The following DMD variants were observed in gnomAD, a reference collection of about 807,000 sequenced individuals.
DMD encodes the protein dystrophin.
DMD carries 63 observed loss-of-function variants against 330.1 expected under a neutral mutation model. That is an observed-to-expected ratio of 0.19 (90% CI 0.16 to 0.24). DMD has a LOEUF of 0.24. DMD is among the 10% of genes least tolerant of loss of function. The probability of loss-of-function intolerance (pLI) is 1.00; values close to 1 mark genes in which losing one functional copy is unlikely to be tolerated. For synonymous variants in DMD, 1,223 were observed against 959.8 expected, an observed-to-expected ratio of 1.27 and a Z score of -5.07; for missense variants, 3,344 against 2,684.1, an observed-to-expected ratio of 1.25 and a Z score of -5.43.
intron 7 of DMD, among the ~76,000 whole-genome samples, chrX:32,789,158 G>A (rs1366333397): frequency 8.9e-6 from 1 of 111,945 alleles, no homozygotes; most frequent in Non-Finnish European, 1.9e-5. Context: ...AGGAGATAAG[G>A]CAAGTTTCTT....
At chrX:32,876,819 G>A in intron 2 of DMD, among the ~76,000 whole-genome samples, 1 of 112,055 alleles carries the variant, frequency 8.9e-6, no homozygotes, top group Non-Finnish European at 1.9e-5. Context: ...TGTACCATAG[G>A]TGACACTAAT....
intron 2 of DMD, among the ~76,000 whole-genome samples, chrX:32,890,444 G>C (rs958053181): frequency 8.3e-5 from 9 of 108,526 alleles, no homozygotes; most frequent in African/African-American, 3.0e-4. Flanking sequence ...TGTGGGGGGT[G>C]GGGGAGGGGG....
rs73212321 is a variant in DMD, at chrX:31,335,798, T to C, written c.9164-12140A>G. ...GTCAATTTCATTGCCCCCTCACAGA[T>C]TGGCTTCCTCCAGGAAGCCAACTCT... On this transcript the variant is annotated intron_variant, in intron 61 of 78. Coordinates refer to ENST00000357033, the MANE Select transcript of DMD (RefSeq NM_004006.3). Among the ~76,000 whole-genome samples the C allele has an allele frequency of 8.7e-3, 980 of 112,208 alleles. 3 individuals are homozygous for C. Among genetic ancestry groups the C allele is most frequent in the South Asian group, 0.017 (44 of 2,651 alleles).
At chrX:32,592,115 G>A (rs1425571042) in intron 13 of DMD, among the ~76,000 whole-genome samples, 1 of 111,377 alleles carries the variant, frequency 9.0e-6, no homozygotes, top group African/African-American at 3.3e-5. Flanking sequence ...TACATGGATG[G>A]CATGTTGATG....
chrX:33,304,598 G>A (rs1379064449), intron 1 of DMD, among the ~76,000 whole-genome samples: 1 of 109,407 alleles, frequency 9.1e-6, no homozygotes, highest in Admixed American at 9.8e-5. Flanking sequence ...CTTCTGCACA[G>A]CAAAAGAAAC....
intron 55 of DMD, among the ~76,000 whole-genome samples, chrX:31,602,311 C>T (rs1173441458): frequency 9.5e-5 from 10 of 105,486 alleles, no homozygotes; most frequent in Non-Finnish European, 1.9e-4. Context: ...TTCACTGGCT[C>T]CTTTCTCCAG....
intron 7 of DMD, among the ~76,000 whole-genome samples, chrX:32,772,849 T>C (rs763242885): frequency 9.6e-4 from 100 of 103,660 alleles, no homozygotes; most frequent in Admixed American, 1.9e-3. Flanking sequence ...TAAAATCGTT[T>C]GGGGAAAATA....
intron 9 of DMD, among the ~76,000 whole-genome samples, chrX:32,690,489 A>G (rs2063197842): frequency 8.9e-6 from 1 of 111,854 alleles, no homozygotes; most frequent in African/African-American, 3.2e-5. Context: ...GAAACAGAGA[A>G]AAACTCTGAA....
At chrX:32,677,473 T>C (rs1406718905) in intron 9 of DMD, among the ~76,000 whole-genome samples, 2 of 111,489 alleles carry the variant, frequency 1.8e-5, no homozygotes, top group African/African-American at 6.5e-5. Flanking sequence ...ACTTCTAATG[T>C]GAACACTATT....
intron 1 of DMD, among the ~76,000 whole-genome samples, chrX:33,252,761 TAC>T (rs1378671695): frequency 3.6e-5 from 4 of 111,768 alleles, no homozygotes; most frequent in Non-Finnish European, 5.6e-5. Context: ...AATATATACA[TAC>T]ACACACATTT....
chrX:32,438,326 G>T lies in DMD; in HGVS notation c.3986C>A (p.Thr1329Asn), dbSNP rs770827878. The change falls in exon 29 of 79, where the codon ACC becomes AAC. Residue 1329 changes from threonine (T) to asparagine (N), a missense_variant. Transcript: ENST00000357033. The part of the protein sequence containing the change: ...NPNQIRILAQ[T>N]LTDGGVMDEL... ...ATCCATGACTCCGCCATCTGTTAGG[G>T]TCTGTGCCAATATGCGAATCTGATT... The T allele has an allele frequency of 8.3e-7, 1 of 1,211,048 alleles. No individual in the cohort carries two copies. Among genetic ancestry groups the T allele is most frequent in the Non-Finnish European group, 1.1e-6 (1 of 895,077 alleles).
intron 53 of DMD, among the ~76,000 whole-genome samples, chrX:31,662,278 T>C (rs1029019323): frequency 4.5e-5 from 5 of 111,780 alleles, no homozygotes; most frequent in African/African-American, 1.6e-4. Context: ...ATTAAATAAA[T>C]ATTAATCATC....
chrX:32,203,596 GCTTCT>G (rs777282079), intron 44 of DMD, among the ~76,000 whole-genome samples: 1 of 112,140 alleles, frequency 8.9e-6, no homozygotes, highest in East Asian at 2.8e-4. Context: ...TCTTCAAAGG[GCTTCT>G]GCCCTGTGGA....
At chrX:31,311,134 C>G (rs755472000) in intron 62 of DMD, among the ~76,000 whole-genome samples, 6 of 110,975 alleles carry the variant, frequency 5.4e-5, no homozygotes, top group Non-Finnish European at 7.5e-5. Context: ...CAGTATTCCC[C>G]CAGCTCAAGG....
At chrX:32,328,168 T>C (rs775185262) in intron 41 of DMD, among the ~76,000 whole-genome samples, 1 of 111,697 alleles carries the variant, frequency 9.0e-6, no homozygotes, top group South Asian at 3.7e-4. Context: ...TCTTGATGCA[T>C]TGTTTACAAT....
chrX:31,944,765 C>A (rs1430506084), intron 45 of DMD, among the ~76,000 whole-genome samples: 1 of 108,354 alleles, frequency 9.2e-6, no homozygotes, highest in Non-Finnish European at 1.9e-5. Context: ...GCCTCGGCCT[C>A]CCAGAGTGCT....
intron 17 of DMD, among the ~76,000 whole-genome samples, chrX:32,526,038 G>A (rs1029649036): frequency 9.0e-6 from 1 of 111,109 alleles, no homozygotes; most frequent in Non-Finnish European, 1.9e-5. Flanking sequence ...TGCTCATAAT[G>A]TGTCCCTACA....
At chrX:31,489,150 T>C (rs999739197) in intron 57 of DMD, among the ~76,000 whole-genome samples, 2 of 112,053 alleles carry the variant, frequency 1.8e-5, no homozygotes, top group African/African-American at 3.2e-5. Context: ...TTTGTTTGTT[T>C]GTTTTTTTGA....
intron 51 of DMD, among the ~76,000 whole-genome samples, chrX:31,758,556 A>T (rs756586002): frequency 2.3e-3 from 256 of 111,289 alleles, no homozygotes; most frequent in Non-Finnish European, 4.2e-3. Context: ...CTCTTTTTAA[A>T]TTTGTACCAT....
Sources: gnomAD v4.1 joint callset for allele counts (sites outside exome capture counted in the v4.1 genomes callset) on GRCh38, gnomAD v4.1.1 for gene constraint, MANE v1.5 for transcripts, NCBI Gene and HGNC (gene_info 2026-07-23, HGNC 2026-07-21) for gene names.